FIGN: variants seen among roughly 807,000 people sequenced by gnomAD.
The protein encoded by FIGN is fidgetin.
In FIGN, 11 loss-of-function variants were observed where a neutral mutation model predicts 51.3. That is an observed-to-expected ratio of 0.21 (90% CI 0.13 to 0.35). FIGN has a LOEUF of 0.35. Among genes scored for constraint, FIGN ranks in the 10% least tolerant of loss-of-function variants. The probability of loss-of-function intolerance (pLI) is 1.00; values close to 1 mark genes in which losing one functional copy is unlikely to be tolerated. For synonymous variants in FIGN, 407 were observed against 363.2 expected (o/e 1.12, Z -1.37); for missense variants, 857 against 943.6 (o/e 0.91, Z 1.20).
chr2:163,711,011 A>G (rs772223862), intron 2 of FIGN, among the ~76,000 whole-genome samples: 3 of 152,180 alleles, frequency 2.0e-5, no homozygotes, highest in Non-Finnish European at 4.4e-5. Flanking sequence ...ACATGCACAC[A>G]TGCACTCACA....
intron 2 of FIGN, among the ~76,000 whole-genome samples, chr2:163,718,738 T>C (rs1684708183): frequency 2.0e-5 from 3 of 152,034 alleles, no homozygotes; most frequent in Admixed American, 2.0e-4. Context: ...AATCCCCATA[T>C]CAAATAAGTG....
intron 2 of FIGN, among the ~76,000 whole-genome samples, chr2:163,676,726 A>C (rs1037536564): frequency 2.0e-5 from 3 of 152,020 alleles, no homozygotes; most frequent in African/African-American, 7.2e-5. Context: ...AATTTTATTT[A>C]CACAGATAGC....
intron 2 of FIGN, among the ~76,000 whole-genome samples, chr2:163,713,502 C>T (rs1358676499): frequency 1.3e-5 from 2 of 152,052 alleles, no homozygotes; most frequent in Non-Finnish European, 2.9e-5. Context: ...AAATATAAAA[C>T]AGAGGCACTA....
At chr2:163,659,593 A>G (rs973621386) in intron 2 of FIGN, among the ~76,000 whole-genome samples, 79 of 152,360 alleles carry the variant, frequency 5.2e-4, no homozygotes, top group African/African-American at 1.9e-3. Flanking sequence ...TTAGTCCCAG[A>G]GAATCATATC....
intron 2 of FIGN, among the ~76,000 whole-genome samples, chr2:163,695,070 GTC>G (rs75948243): frequency 0.28 from 42,533 of 151,864 alleles, 6,105 homozygotes; most frequent in East Asian, 0.46. Flanking sequence ...TGAGCTCGGT[GTC>G]TCTGTCTCTT....
Position 163,610,022 on chromosome 2 carries a change from G to A in FIGN, c.1810C>T (p.Arg604Trp), listed in dbSNP as rs748183827. ...QVNEEHSPVS[R>W]MRTEFLMQLD... ...TGCATCAGAAATTCGGTTCTCATCC[G>A]ACTGACTGGACTATGTTCCTCATTC... The change falls in exon 3 of 3, where the codon CGG becomes TGG. Residue 604 changes from arginine (R) to tryptophan (W), a missense_variant. Transcript: ENST00000333129. The A allele has an allele frequency of 7.3e-5, 118 of 1,614,038 alleles. No individual in the cohort carries two copies. The Admixed American group carries it at 1.4e-3, about 19-fold the overall frequency.
chr2:163,704,611 G>GAC (rs1684464590), intron 2 of FIGN, among the ~76,000 whole-genome samples: 1 of 33,052 alleles, frequency 3.0e-5, no homozygotes, highest in Non-Finnish European at 7.6e-5. Flanking sequence ...ATAACCCACA[G>GAC]ACTGTCTCTC....
At chr2:163,614,932 A>G (rs528379690) in intron 2 of FIGN, among the ~76,000 whole-genome samples, 45 of 152,192 alleles carry the variant, frequency 3.0e-4, no homozygotes, top group Non-Finnish European at 4.7e-4. Context: ...ATAAGTTATA[A>G]TCACTGTAAA....
At chr2:163,643,121 T>A (rs143454094) in intron 2 of FIGN, among the ~76,000 whole-genome samples, 5 of 152,218 alleles carry the variant, frequency 3.3e-5, no homozygotes, top group African/African-American at 7.2e-5. Context: ...CAGTTCTCAA[T>A]TTCAAAACTT....
chr2:163,713,117 A>G (rs1684613614), intron 2 of FIGN, among the ~76,000 whole-genome samples: 1 of 152,198 alleles, frequency 6.6e-6, no homozygotes, highest in Non-Finnish European at 1.5e-5. Context: ...TTTAAGTGAT[A>G]TTACAGAAGT....
chr2:163,721,960 A>G (rs1684764850), intron 2 of FIGN, among the ~76,000 whole-genome samples: 2 of 152,346 alleles, frequency 1.3e-5, no homozygotes, highest in Non-Finnish European at 2.9e-5. Flanking sequence ...ACTGTTGCCT[A>G]ACTCATTATA....
In FIGN at chr2:163,644,242, A is replaced by G. The variant is rs1683349637; in HGVS notation, c.26-32436T>C. Among the ~76,000 whole-genome samples, 14 of 152,174 alleles carry G rather than the reference A, an allele frequency of 9.2e-5. No individual in the cohort carries two copies. In the South Asian group the frequency reaches 2.9e-3, roughly 31 times the overall value. ...TTACTTAAAGCTGAATTTTAAAAAG[A>G]CAAATACCCCAATTAAACAATTGGC... On this transcript the variant is annotated intron_variant, in intron 2 of 2. Transcript: ENST00000333129.
chr2:163,620,890 A>G (rs550403273), intron 2 of FIGN, among the ~76,000 whole-genome samples: 1 of 112,002 alleles, frequency 8.9e-6, no homozygotes. Flanking sequence ...TTCCATTTCA[A>G]CTATCTAAAT....
chr2:163,631,088 T>G (rs1683138711), intron 2 of FIGN, among the ~76,000 whole-genome samples: 1 of 152,150 alleles, frequency 6.6e-6, no homozygotes, highest in Admixed American at 6.6e-5. Context: ...GGAGGGCAAC[T>G]ATGTGGGAAG....
At chr2:163,722,949 G>C (rs1175167216) in intron 2 of FIGN, among the ~76,000 whole-genome samples, 3 of 151,910 alleles carry the variant, frequency 2.0e-5, no homozygotes, top group Admixed American at 2.0e-4. Flanking sequence ...CACATTGAGA[G>C]GCAGAGGCGG....
At position 163,603,656 on chromosome 2, in the gene FIGN, G is replaced by A. The variant is rs1691023639; in HGVS notation, c.*5896C>T. On this transcript the variant is annotated 3_prime_UTR_variant, in exon 3 of 3. Transcript: ENST00000333129. ...AGAATAGATTGTCAGGCATACCGGA[G>A]TTTCAGATGCATTTCTGAATTCACA... 6.6e-6 allele frequency: 1 copy of A among 152,088 alleles called. No homozygotes were observed. The highest frequency in any genetic ancestry group is 2.4e-5 in the African/African-American group (1 of 41,424). The allele number at this position is 152,088 out of a possible 1,614,324, so 9.4% of individuals were successfully genotyped here. A position where few individuals can be genotyped will look rare whatever the true frequency, so the allele number is the denominator to read the frequency against.
intron 2 of FIGN, among the ~76,000 whole-genome samples, chr2:163,710,336 C>T (rs1232017848): frequency 1.3e-5 from 2 of 152,146 alleles, no homozygotes; most frequent in Non-Finnish European, 2.9e-5. Flanking sequence ...GCTACACTTT[C>T]GTGGAAATTA....
intron 2 of FIGN, among the ~76,000 whole-genome samples, chr2:163,624,001 C>T (rs1318027579): frequency 6.6e-6 from 1 of 151,932 alleles, no homozygotes; most frequent in Non-Finnish European, 1.5e-5. Context: ...AGCTTAATCA[C>T]TTAAAGGCTT....
At chr2:163,722,102 C>T (rs780360406) in intron 2 of FIGN, among the ~76,000 whole-genome samples, 18 of 152,178 alleles carry the variant, frequency 1.2e-4, no homozygotes, top group Non-Finnish European at 2.4e-4. Context: ...AGCTATTGAA[C>T]ACCTAAAAGA....
Sources: allele counts gnomAD v4.1 joint callset (sites outside exome capture counted in the v4.1 genomes callset), GRCh38; gene constraint gnomAD v4.1.1; transcripts MANE v1.5; gene names NCBI Gene and HGNC (gene_info 2026-07-23, HGNC 2026-07-21).